The following RIMS2 variants were observed in gnomAD, a reference collection of about 807,000 sequenced individuals.
RIMS2 encodes the protein regulating synaptic membrane exocytosis 2.
A neutral mutation model predicts 174.4 loss-of-function variants in RIMS2; 59 were observed. The observed-to-expected ratio is 0.34, with a 90% confidence interval of 0.27 to 0.42. The LOEUF is 0.42. Among genes scored for constraint, RIMS2 ranks in the 10% least tolerant of loss-of-function variants. The probability of loss-of-function intolerance (pLI) is 1.00; values close to 1 mark genes in which losing one functional copy is unlikely to be tolerated. For synonymous variants in RIMS2, 606 were observed against 572.5 expected (o/e 1.06, Z -0.84); for missense variants, 1,620 against 1,666.3 (o/e 0.97, Z 0.48).
Position 103,862,661 on chromosome 8 carries a change from G to A in RIMS2, c.699-22637G>A, listed in dbSNP as rs115443225. Among the ~76,000 whole-genome samples the A allele has an allele frequency of 6.2e-3, 941 of 152,014 alleles. 11 individuals carry two copies. The highest frequency in any genetic ancestry group is 0.021 in the African/African-American group (887 of 41,492). On this transcript the variant is annotated intron_variant, in intron 3 of 23. Transcript: ENST00000504942. ...TGATATCTTTTATCAGTGTTTTGTA[G>A]TTCTCCTCGTAGAGATCTTTCACCT...
At chr8:103,957,392 A>G (rs2087753939) in intron 14 of RIMS2, among the ~76,000 whole-genome samples, 1 of 152,230 alleles carries the variant, frequency 6.6e-6, no homozygotes, top group Non-Finnish European at 1.5e-5. Context: ...GATAAAGAAA[A>G]TGTGGCACAT....
chr8:103,508,934 A>T (rs1364753155), intron 1 of RIMS2, among the ~76,000 whole-genome samples: 2 of 152,112 alleles, frequency 1.3e-5, no homozygotes, highest in Non-Finnish European at 2.9e-5. Flanking sequence ...ACTACTGTAC[A>T]TAATATATAT....
chr8:103,622,311 A>T (rs950786054), intron 1 of RIMS2, among the ~76,000 whole-genome samples: 4 of 152,162 alleles, frequency 2.6e-5, no homozygotes, highest in East Asian at 3.8e-4. Flanking sequence ...ACTATAAGTC[A>T]TATAAACCTT....
intron 1 of RIMS2, among the ~76,000 whole-genome samples, chr8:103,683,009 G>A (rs546846719): frequency 5.9e-5 from 9 of 152,302 alleles, no homozygotes; most frequent in Non-Finnish European, 8.8e-5. Flanking sequence ...TTGTGTGTGA[G>A]AAATGCGGCT....
intron 2 of RIMS2, among the ~76,000 whole-genome samples, chr8:103,702,994 T>TG (rs2097184665): frequency 1.3e-5 from 2 of 151,390 alleles, no homozygotes; most frequent in Admixed American, 1.3e-4. Context: ...TGTTTTTTTT[T>TG]TTTTTGAGAC....
chr8:104,030,929 G>A (rs1020957441), intron 19 of RIMS2, among the ~76,000 whole-genome samples: 73 of 152,102 alleles, frequency 4.8e-4, no homozygotes, highest in African/African-American at 1.7e-3. Flanking sequence ...AATGTATGGG[G>A]TTTTGCCTGT....
Position 103,834,684 on chromosome 8 carries a change from CTTT to C in RIMS2, c.699-50613_699-50611del, listed in dbSNP as rs1564828472. On this transcript the variant is annotated intron_variant, in intron 3 of 23. Transcript: ENST00000504942. ...GCAAGCCTCTGAGGTCTTTTTCTTT[CTTT>C]CTTTCTTTCTTTCTTTCTTTCTTTC... Among the ~76,000 whole-genome samples, 325 of 50,732 alleles carry C rather than the reference CTTT, an allele frequency of 6.4e-3. 5 individuals carry two copies. The highest frequency in any genetic ancestry group is 0.014 in the Admixed American group (48 of 3,506). 33.3% of individuals were successfully genotyped at this position (50,732 alleles called of 152,430 possible).
At chr8:103,882,067 C>T (rs1018859140) in intron 3 of RIMS2, among the ~76,000 whole-genome samples, 1 of 151,328 alleles carries the variant, frequency 6.6e-6, no homozygotes, top group Non-Finnish European at 1.5e-5. Context: ...CTAGACGAAT[C>T]GTTCCTTTTC....
chr8:103,913,531 T>C (rs1459057835), intron 6 of RIMS2, among the ~76,000 whole-genome samples: 2 of 152,184 alleles, frequency 1.3e-5, no homozygotes, highest in African/African-American at 4.8e-5. Flanking sequence ...GTAGGTAGAA[T>C]TGGGCTGTGT....
intron 19 of RIMS2, among the ~76,000 whole-genome samples, chr8:104,229,547 T>A (rs370001673): frequency 3.9e-5 from 6 of 152,198 alleles, no homozygotes. Flanking sequence ...GGACCTAAAC[T>A]GGGAGCCAGA....
intron 3 of RIMS2, chr8:103,819,509 T>G (rs777216589): frequency 1.2e-6 from 2 of 1,611,780 alleles, no homozygotes; most frequent in Non-Finnish European, 1.7e-6. Context: ...AGAAAGAAAA[T>G]GCAATTTGAG....
chr8:103,802,843 C>G (rs1299429473), intron 3 of RIMS2, among the ~76,000 whole-genome samples: 1 of 152,108 alleles, frequency 6.6e-6, no homozygotes, highest in Non-Finnish European at 1.5e-5. Context: ...CATACAAGGT[C>G]TAGTCACCTC....
intron 1 of RIMS2, among the ~76,000 whole-genome samples, chr8:103,625,965 G>T (rs565431400): frequency 6.6e-6 from 1 of 151,602 alleles, no homozygotes; most frequent in Non-Finnish European, 1.5e-5. Flanking sequence ...TCTCAATAGG[G>T]TATGAACTCC....
At chr8:103,617,339 A>T (rs1337666063) in intron 1 of RIMS2, among the ~76,000 whole-genome samples, 1 of 152,210 alleles carries the variant, frequency 6.6e-6, no homozygotes, top group Non-Finnish European at 1.5e-5. Flanking sequence ...CTCCTTCCTT[A>T]TGCCATACCC....
At chr8:104,221,002 A>C (rs2099152304) in intron 19 of RIMS2, among the ~76,000 whole-genome samples, 1 of 152,158 alleles carries the variant, frequency 6.6e-6, no homozygotes, top group African/African-American at 2.4e-5. Flanking sequence ...AAAGTACTCA[A>C]ATTTTTCTAA....
At chr8:103,668,510 T>C (rs1243521325) in intron 1 of RIMS2, among the ~76,000 whole-genome samples, 1 of 152,126 alleles carries the variant, frequency 6.6e-6, no homozygotes, top group Non-Finnish European at 1.5e-5. Context: ...ATACCTGAAG[T>C]ATATTTGTCA....
intron 3 of RIMS2, among the ~76,000 whole-genome samples, chr8:103,855,980 T>A (rs1436798557): frequency 6.6e-6 from 1 of 152,180 alleles, no homozygotes; most frequent in Non-Finnish European, 1.5e-5. Flanking sequence ...TATTATTGTG[T>A]GGTTGTCTAA....
intron 19 of RIMS2, among the ~76,000 whole-genome samples, chr8:104,211,779 G>A (rs2137751868): frequency 6.6e-6 from 1 of 152,264 alleles, no homozygotes. Flanking sequence ...CTCCCAAAGT[G>A]CTAGGATTAC....
intron 16 of RIMS2, among the ~76,000 whole-genome samples, chr8:103,977,935 C>T (rs1032635440): frequency 5.3e-5 from 8 of 152,186 alleles, no homozygotes; most frequent in Admixed American, 4.6e-4. Context: ...GTTTAATCTC[C>T]AGCCCTCAAC....
Sources: gnomAD v4.1 joint callset for allele counts (sites outside exome capture counted in the v4.1 genomes callset) on GRCh38, gnomAD v4.1.1 for gene constraint, MANE v1.5 for transcripts, NCBI Gene and HGNC (gene_info 2026-07-23, HGNC 2026-07-21) for gene names.